The following SAMD4A variants were observed in gnomAD, a reference collection of about 807,000 sequenced individuals.
SAMD4A encodes the protein sterile alpha motif domain containing 4A.
SAMD4A carries 33 observed loss-of-function variants against 81.3 expected under a neutral mutation model. The observed-to-expected ratio is 0.41, with a 90% confidence interval of 0.31 to 0.54. The LOEUF (loss-of-function observed/expected upper bound fraction) is 0.54, where lower values mean the gene tolerates loss of function less well. Ranked by LOEUF, SAMD4A falls within the 20% of genes least tolerant of loss-of-function variation. The pLI, the probability that SAMD4A is intolerant of heterozygous loss-of-function variation, is 0.37. For synonymous variants in SAMD4A, 389 were observed against 382.1 expected (o/e 1.02, Z -0.21); for missense variants, 854 against 951.1 (o/e 0.90, Z 1.34).
chr14:54,698,472 T>C (rs1467475705), intron 2 of SAMD4A, among the ~76,000 whole-genome samples: 27 of 152,194 alleles, frequency 1.8e-4, no homozygotes, highest in Admixed American at 1.8e-3. Flanking sequence ...ACTTGGCCCA[T>C]TTGTGCCCCT....
In SAMD4A at chr14:54,784,225, T is replaced by C. The variant is rs1023276592; in HGVS notation, c.2045-312T>C. On this transcript the variant is annotated intron_variant, in intron 11 of 12. Transcript: ENST00000554335. ...AGGGCCTGGATCATGCGGGGCCTTA[T>C]GGGCCAGGGCAGGAGGTTGGCTGTT... is the stretch of plus-strand genomic sequence containing the variant. The C allele has an allele frequency of 7.8e-6, 6 of 764,560 alleles. No homozygotes were observed. The African/African-American group carries it at 1.0e-4, about 13-fold the overall frequency. 47.4% of individuals were successfully genotyped at this position (764,560 alleles called of 1,614,324 possible).
chr14:54,718,737 C>T (rs1201401637), intron 3 of SAMD4A, among the ~76,000 whole-genome samples: 1 of 151,956 alleles, frequency 6.6e-6, no homozygotes, highest in African/African-American at 2.4e-5. Flanking sequence ...GGCACAGTAG[C>T]TTACGCCTGT....
chr14:54,741,353 C>T (rs916705748), intron 4 of SAMD4A, among the ~76,000 whole-genome samples: 1 of 152,184 alleles, frequency 6.6e-6, no homozygotes, highest in South Asian at 2.1e-4. Context: ...GCACCATGTT[C>T]TCAAAGATGG....
chr14:54,783,364 C>T, intron 11 of SAMD4A, among the ~76,000 whole-genome samples: 1 of 152,114 alleles, frequency 6.6e-6, no homozygotes, highest in Admixed American at 6.5e-5. Flanking sequence ...TTTAAAGTCG[C>T]CACTGGATGA....
rs1292390656 is a variant in SAMD4A at position 54,588,587 on chromosome 14, T to G, written c.196+20475T>G. ...GTGCTCCTGTGAACATTTAAGTATT[T>G]TTTTTGTACACTCTTTTCTACAATG... is the stretch of plus-strand genomic sequence containing the variant. On this transcript the variant is annotated intron_variant, in intron 2 of 12. Coordinates refer to ENST00000554335, the MANE Select transcript of SAMD4A (RefSeq NM_015589.6). 3.3e-5 allele frequency among the ~76,000 whole-genome samples: 5 copies of G among 152,276 alleles called. No homozygotes were observed. In the East Asian group the frequency reaches 7.7e-4, roughly 23 times the overall value.
chr14:54,595,975 C>A (rs1367258811), intron 2 of SAMD4A, among the ~76,000 whole-genome samples: 1 of 152,056 alleles, frequency 6.6e-6, no homozygotes, highest in Admixed American at 6.6e-5. Context: ...TCTTTTCAAC[C>A]TAGAAAAAAT....
At chr14:54,569,979 TG>T (rs2033080757) in intron 2 of SAMD4A, among the ~76,000 whole-genome samples, 1 of 152,240 alleles carries the variant, frequency 6.6e-6, no homozygotes. Flanking sequence ...GTGAATTTTT[TG>T]AAGTCACTTG....
intron 3 of SAMD4A, among the ~76,000 whole-genome samples, chr14:54,720,131 A>C (rs980199831): frequency 4.6e-5 from 7 of 152,122 alleles, no homozygotes; most frequent in Non-Finnish European, 1.0e-4. Flanking sequence ...CAAACATACT[A>C]TGTAATTTTA....
rs772994304 is a variant in SAMD4A at position 54,760,437 on chromosome 14, G to A, written c.1453G>A (p.Val485Ile). The A allele has an allele frequency of 1.0e-4, 149 of 1,429,274 alleles. No individual in the cohort carries two copies. The highest frequency in any genetic ancestry group is 1.3e-4 in the Non-Finnish European group (138 of 1,101,198). The allele number at this position is 1,429,274 out of a possible 1,614,324, so 88.5% of individuals were successfully genotyped here. A position where few individuals can be genotyped will look rare whatever the true frequency, so the allele number is the denominator to read the frequency against. Residue 485 changes from valine (V) to isoleucine (I), a missense_variant, in exon 7 of 13, where the codon GTC becomes ATC. Val to Ile is a conservative substitution (Grantham distance 29). Transcript: ENST00000554335. ...GAGCAGCTGCGATGGGGAGCTGGCC[G>A]TCGCCCCCCTGCCAGAGGGGGACCT... Reference protein sequence around the residue: ...QLSSCDGELAVAPLPEGDLPG... With the variant: ...QLSSCDGELAIAPLPEGDLPG...
chr14:54,578,674 T>C (rs1227036604), intron 2 of SAMD4A, among the ~76,000 whole-genome samples: 1 of 151,972 alleles, frequency 6.6e-6, no homozygotes, highest in Non-Finnish European at 1.5e-5. Flanking sequence ...ATCGCACCAC[T>C]GCACTCCAGC....
In SAMD4A at chr14:54,770,055, C is replaced by G. The variant is rs530422686; in HGVS notation, c.1597-49C>G. 114 of 1,216,796 alleles carry G rather than the reference C, an allele frequency of 9.4e-5. No homozygotes were observed. In the South Asian group the frequency reaches 1.3e-3, roughly 14 times the overall value. 75.4% of individuals were successfully genotyped at this position (1,216,796 alleles called of 1,614,324 possible). ...CCTTATTAATTGCATGTTTCTCCCTCTAATGCCAGGCTGCGTCACCCATTT... is the reference window on the plus strand; with the variant it reads ...CCTTATTAATTGCATGTTTCTCCCTGTAATGCCAGGCTGCGTCACCCATTT... On this transcript the variant is annotated intron_variant, in intron 8 of 12. Coordinates refer to ENST00000554335, the MANE Select transcript of SAMD4A (RefSeq NM_015589.6).
At chr14:54,626,059 T>TGTGC (rs368142521) in intron 2 of SAMD4A, among the ~76,000 whole-genome samples, 1,208 of 102,054 alleles carry the variant, frequency 0.012, 18 homozygotes, top group Non-Finnish European at 0.014. Flanking sequence ...TGTGTGTGTG[T>TGTGC]GCGCGCGCGC....
intron 2 of SAMD4A, among the ~76,000 whole-genome samples, chr14:54,623,206 C>T (rs1302229181): frequency 6.6e-6 from 1 of 152,140 alleles, no homozygotes; most frequent in Non-Finnish European, 1.5e-5. Context: ...GCTTTGTGGT[C>T]CCATGAGGCA....
intron 6 of SAMD4A, 81 bp from the exon 7 acceptor site, chr14:54,760,080 C>A: frequency 1.4e-6 from 2 of 1,422,450 alleles, no homozygotes; most frequent in African/African-American, 1.5e-5. Context: ...TGTAAGAGCT[C>A]AGGGCAGGGG....
At chr14:54,584,587 C>G (rs2140157388) in intron 2 of SAMD4A, among the ~76,000 whole-genome samples, 1 of 152,242 alleles carries the variant, frequency 6.6e-6, no homozygotes, top group Non-Finnish European at 1.5e-5. Context: ...ATGGAATAAA[C>G]TAGACAATTA....
chr14:54,626,045 TGTGTGTGTGTGTGTGCGCGC>T lies in SAMD4A; in HGVS notation c.196+57935_196+57954del, dbSNP rs1286362430. On this transcript the variant is annotated intron_variant, in intron 2 of 12. Coordinates refer to ENST00000554335, the MANE Select transcript of SAMD4A (RefSeq NM_015589.6). Reference sequence around the variant, plus strand: ...GTGTGTGTGTGTGTGTGTGTGTGTGTGTGTGTGTGTGTGTGCGCGCGCGCGCGCGCGAGTGCGCACATGTG... The same window carrying T: ...GTGTGTGTGTGTGTGTGTGTGTGTGTGCGCGCGCGCGAGTGCGCACATGTG... 8.5e-4 allele frequency among the ~76,000 whole-genome samples: 111 copies of T among 130,644 alleles called. 1 individual carries two copies. Among genetic ancestry groups the T allele is most frequent in the African/African-American group, 3.6e-3 (111 of 30,780 alleles). 85.7% of individuals were successfully genotyped at this position (130,644 alleles called of 152,430 possible). A position where few individuals can be genotyped will look rare whatever the true frequency, so the allele number is the denominator to read the frequency against.
At chr14:54,723,904 T>A (rs1459230338) in intron 3 of SAMD4A, among the ~76,000 whole-genome samples, 2 of 152,130 alleles carry the variant, frequency 1.3e-5, no homozygotes, top group Non-Finnish European at 2.9e-5. Context: ...TAAAGCATCT[T>A]CCCATACATC....
intron 11 of SAMD4A, among the ~76,000 whole-genome samples, chr14:54,778,115 A>G (rs1227449382): frequency 6.6e-6 from 1 of 152,198 alleles, no homozygotes; most frequent in Non-Finnish European, 1.5e-5. Flanking sequence ...TCACCAGCAG[A>G]GTGACCACTG....
chr14:54,759,487 G>A (rs1337276086), intron 6 of SAMD4A, among the ~76,000 whole-genome samples: 1 of 152,156 alleles, frequency 6.6e-6, no homozygotes, highest in Non-Finnish European at 1.5e-5. Context: ...TCCCCTCATA[G>A]CAGCCCCGAC....
Sources: gnomAD v4.1 joint callset for allele counts (sites outside exome capture counted in the v4.1 genomes callset) on GRCh38, gnomAD v4.1.1 for gene constraint, MANE v1.5 for transcripts, NCBI Gene and HGNC (gene_info 2026-07-23, HGNC 2026-07-21) for gene names.